GET1: variants seen among roughly 807,000 people sequenced by gnomAD.
GET1 encodes congenital heart disease 5 protein.
GET1 carries 20 observed loss-of-function variants against 22.6 expected under a neutral mutation model. The ratio of observed to expected loss-of-function variants is 0.89; its 90% CI spans 0.62 to 1.29. The LOEUF (loss-of-function observed/expected upper bound fraction) is 1.29. Ranked by LOEUF, GET1 falls within the 50% of genes most tolerant of loss-of-function variation. The pLI, the probability that GET1 is intolerant of heterozygous loss-of-function variation, is 0.00. For missense variants in GET1, 209 were observed against 219.9 expected (o/e 0.95, Z 0.31); for synonymous variants, 92 against 83.8 (o/e 1.10, Z -0.53).
chr21:39,386,480 C>G (rs1331734410), intron 1 of GET1: 7 of 152,370 alleles, frequency 4.6e-5, no homozygotes, highest in Admixed American at 2.6e-4. Flanking sequence ...GGCTGGTGGC[C>G]TGGAGAGCTG....
At chr21:39,393,100 C>A in intron 3 of GET1, 66 bp from the exon 4 acceptor site, 1 of 1,367,200 alleles carries the variant, frequency 7.3e-7, no homozygotes, top group Non-Finnish European at 1.0e-6. Flanking sequence ...ATTTCCCTGT[C>A]CTCCCTTCTG....
downstream of GET1, chr21:39,410,715 T>TTATC: frequency 2.5e-6 from 1 of 396,338 alleles, no homozygotes; most frequent in Admixed American, 3.2e-5. Context: ...GAGCTCTTGA[T>TTATC]TATCAGTGGT....
At chr21:39,387,791 CGGGTCGCG>C in intron 1 of GET1, 2 of 985,106 alleles carry the variant, frequency 2.0e-6, no homozygotes, top group Non-Finnish European at 1.2e-6. Flanking sequence ...AGGCGACTGG[CGGGTCGCG>C]GCTTCCAAGC....
intron 1 of GET1, among the ~76,000 whole-genome samples, chr21:39,382,597 C>T (rs1462848741): frequency 6.6e-6 from 1 of 152,210 alleles, no homozygotes; most frequent in African/African-American, 2.4e-5. Context: ...GGATTTCCTC[C>T]CCTTTTAAGG....
chr21:39,387,528 G>A (rs2037983417), intron 1 of GET1, among the ~76,000 whole-genome samples: 1 of 152,178 alleles, frequency 6.6e-6, no homozygotes, highest in South Asian at 2.1e-4. Context: ...CTGGAGTATA[G>A]CTCCTTCGGT....
intron 1 of GET1, among the ~76,000 whole-genome samples, chr21:39,389,637 T>C (rs986893428): frequency 2.4e-4 from 36 of 152,170 alleles, no homozygotes; most frequent in African/African-American, 8.2e-4. Context: ...TGTATGTCTG[T>C]CTCCCTCACC....
chr21:39,420,501 T>G (rs2042097969), intron 1 of GET1, among the ~76,000 whole-genome samples: 1 of 107,368 alleles, frequency 9.3e-6, no homozygotes, highest in Non-Finnish European at 1.7e-5. Flanking sequence ...CCAGCCTGGG[T>G]GACAGAGCAA....
In GET1 at chr21:39,427,185, T is replaced by C. The variant is rs147132431; in HGVS notation, c.*24-1047T>C. Among the ~76,000 whole-genome samples, 628 of 152,288 alleles carry C rather than the reference T, an allele frequency of 4.1e-3. 5 individuals are homozygous for C. The highest frequency in any genetic ancestry group is 0.015 in the African/African-American group (610 of 41,550). ...TGTCCTCCTGTTGACTGAAGTGCTC[T>C]GATGGTCAACATGGACAAGAGCCCC... On this transcript the variant is annotated intron_variant, in intron 1 of 1. Transcript: ENST00000478273.
chr21:39,395,701 AC>A (rs984686394), intron 4 of GET1, among the ~76,000 whole-genome samples: 3 of 152,028 alleles, frequency 2.0e-5, no homozygotes, highest in African/African-American at 7.2e-5. Flanking sequence ...TTTAGCTACC[AC>A]CCCTGTCCCC....
chr21:39,414,243 G>A (rs2040623704), intron 1 of GET1: 1 of 152,290 alleles, frequency 6.6e-6, no homozygotes. Context: ...ATTAAGGTCA[G>A]CATTGATGGC....
At chr21:39,396,468 C>T (rs2038654863) in intron 4 of GET1, among the ~76,000 whole-genome samples, 1 of 151,590 alleles carries the variant, frequency 6.6e-6, no homozygotes, top group African/African-American at 2.4e-5. Context: ...GTAGAGCTTG[C>T]AGTGAGCCAA....
intron 1 of GET1, chr21:39,421,507 T>C (rs2073763869): frequency 6.6e-6 from 1 of 152,230 alleles, no homozygotes; most frequent in South Asian, 2.1e-4. Flanking sequence ...TCCACACTGA[T>C]GGACTGTAAG....
intron 1 of GET1, among the ~76,000 whole-genome samples, chr21:39,416,894 GCTT>G (rs2041275641): frequency 6.6e-6 from 1 of 152,140 alleles, no homozygotes; most frequent in Non-Finnish European, 1.5e-5. Flanking sequence ...ACTTGGAATG[GCTT>G]CTTTCTGTGG....
intron 1 of GET1, among the ~76,000 whole-genome samples, chr21:39,381,132 C>T (rs2037531543): frequency 2.6e-5 from 4 of 152,114 alleles, no homozygotes; most frequent in South Asian, 4.1e-4. Flanking sequence ...TTAGTGGTGG[C>T]ACTAAGTCAT....
At chr21:39,412,962 C>T (rs761690388) in intron 1 of GET1, among the ~76,000 whole-genome samples, 46 of 152,184 alleles carry the variant, frequency 3.0e-4, no homozygotes, top group Non-Finnish European at 4.9e-4. Context: ...GTTACAGATC[C>T]AGGTGCTCCC....
At chr21:39,399,902 CT>C (rs952522066), downstream of GET1, among the ~76,000 whole-genome samples, 3 of 132,404 alleles carry the variant, frequency 2.3e-5, no homozygotes, top group Non-Finnish European at 3.2e-5. Flanking sequence ...AATCCATAAT[CT>C]TTTTTTAATT....
chr21:39,406,088 AG>A (rs773355307), exon 5 of GET1: 37 of 1,614,098 alleles, frequency 2.3e-5, no homozygotes, highest in Non-Finnish European at 3.1e-5. Context: ...CCTGATCCAA[AG>A]AGTTCTTCCA....
At chr21:39,411,824 A>AT in intron 1 of GET1, 1 of 1,377,666 alleles carries the variant, frequency 7.3e-7, no homozygotes, top group Non-Finnish European at 1.0e-6. Context: ...CACAAAACCA[A>AT]TTTTTCTATA....
At chr21:39,381,682 T>G (rs1000411696) in intron 1 of GET1, among the ~76,000 whole-genome samples, 1 of 152,186 alleles carries the variant, frequency 6.6e-6, no homozygotes, top group Non-Finnish European at 1.5e-5. Context: ...TTTATCATCT[T>G]TATCATTTTT....
Sources: gnomAD v4.1 joint callset for allele counts (sites outside exome capture counted in the v4.1 genomes callset) on GRCh38, gnomAD v4.1.1 for gene constraint, MANE v1.5 for transcripts, NCBI Gene and HGNC (gene_info 2026-07-23, HGNC 2026-07-21) for gene names.